Variants in CRBN observed in about 807,000 individuals in gnomAD.
CRBN encodes the protein protein cereblon.
In CRBN, 53 loss-of-function variants were observed where a neutral mutation model predicts 62.2. The ratio of observed to expected loss-of-function variants is 0.85; its 90% CI spans 0.68 to 1.07. The LOEUF (loss-of-function observed/expected upper bound fraction) is 1.07, where lower values mean the gene tolerates loss of function less well. Ranked by LOEUF, CRBN falls within the 50% of genes least tolerant of loss-of-function variation. CRBN has a pLI of 0.00. For missense variants in CRBN, 616 were observed against 531.1 expected, an observed-to-expected ratio of 1.16 and a Z score of -1.57; for synonymous variants, 208 against 176.1, an observed-to-expected ratio of 1.18 and a Z score of -1.43.
At chr3:3,152,377 C>T in intron 10 of CRBN, 79 bp downstream of exon 10, 1 of 1,432,814 alleles carries the variant, frequency 7.0e-7, no homozygotes, top group Non-Finnish European at 9.6e-7. Flanking sequence ...ATTGTGGCAA[C>T]TCTGCTTAGG....
At chr3:3,165,991 A>C (rs555968236) in intron 5 of CRBN, among the ~76,000 whole-genome samples, 5 of 152,208 alleles carry the variant, frequency 3.3e-5, no homozygotes, top group Non-Finnish European at 5.9e-5. Flanking sequence ...CAACAGTAAC[A>C]TTTAAAATGA....
At chr3:3,154,475 G>T in intron 7 of CRBN, 1 of 502,554 alleles carries the variant, frequency 2.0e-6, no homozygotes. Context: ...TACACAGGAA[G>T]TGTTTTTGGA....
chr3:3,162,915 A>T (rs1707195882), intron 5 of CRBN, among the ~76,000 whole-genome samples: 1 of 152,188 alleles, frequency 6.6e-6, no homozygotes, highest in African/African-American at 2.4e-5. Context: ...CTGTCTAAAG[A>T]CAAACACTGT....
chr3:3,161,524 G>T (rs1463438983), intron 5 of CRBN, among the ~76,000 whole-genome samples: 1 of 152,156 alleles, frequency 6.6e-6, no homozygotes, highest in African/African-American at 2.4e-5. Context: ...AAGTAGCTGG[G>T]ATTACAGGCA....
At chr3:3,171,033 G>A (rs1177406557) in intron 4 of CRBN, among the ~76,000 whole-genome samples, 1 of 152,094 alleles carries the variant, frequency 6.6e-6, no homozygotes, top group Non-Finnish European at 1.5e-5. Context: ...TCAAACTCGT[G>A]AGCTCAGGTG....
rs560678913 is a variant in CRBN at position 3,164,286 on chromosome 3, G to A, written c.687+3348C>T. On this transcript the variant is annotated intron_variant, in intron 5 of 10. Coordinates refer to ENST00000231948, the MANE Select transcript of CRBN (RefSeq NM_016302.4). ...TTAGAAACACATGTCAAAGCTGAAA[G>A]AGGCCAAACGCTAGGCCTCCTGGGG... Among the ~76,000 whole-genome samples the A allele has an allele frequency of 2.0e-5, 3 of 152,324 alleles. No individual in the cohort carries two copies. The East Asian group carries it at 5.8e-4, about 29-fold the overall frequency.
intron 5 of CRBN, among the ~76,000 whole-genome samples, chr3:3,160,262 A>C (rs1707082397): frequency 6.6e-6 from 1 of 152,240 alleles, no homozygotes; most frequent in Non-Finnish European, 1.5e-5. Flanking sequence ...TGAAAAGCTA[A>C]ACATAAATAG....
intron 3 of CRBN, among the ~76,000 whole-genome samples, 182 bp from the exon 4 acceptor site, chr3:3,173,107 G>A (rs1448763899): frequency 1.3e-5 from 2 of 152,104 alleles, no homozygotes; most frequent in South Asian, 4.1e-4. Flanking sequence ...GCCCAGACTA[G>A]AGAGCAGTGG....
chr3:3,159,579 T>C (rs966546660), intron 5 of CRBN, among the ~76,000 whole-genome samples: 1 of 152,242 alleles, frequency 6.6e-6, no homozygotes, highest in Non-Finnish European at 1.5e-5. Context: ...GATCAGGCAT[T>C]CACTCTGCCA....
chr3:3,162,047 T>A (rs544251421), intron 5 of CRBN, among the ~76,000 whole-genome samples: 1 of 152,230 alleles, frequency 6.6e-6, no homozygotes, highest in African/African-American at 2.4e-5. Flanking sequence ...ATGAGACCCC[T>A]GCCCTTCCAA....
At chr3:3,157,560 A>G (rs1559245772) in intron 5 of CRBN, among the ~76,000 whole-genome samples, 3 of 152,152 alleles carry the variant, frequency 2.0e-5, no homozygotes, top group Non-Finnish European at 4.4e-5. Context: ...ACGCTGAATG[A>G]TACTTACCCT....
At chr3:3,155,663 T>C (rs138667757) in intron 6 of CRBN, 2 of 154,398 alleles carry the variant, frequency 1.3e-5, no homozygotes, top group African/African-American at 2.4e-5. Flanking sequence ...ATTAATAGAC[T>C]AATGATCAAG....
At chr3:3,167,180 T>C (rs1165815092) in intron 5 of CRBN, among the ~76,000 whole-genome samples, 2 of 152,148 alleles carry the variant, frequency 1.3e-5, no homozygotes, top group East Asian at 1.9e-4. Context: ...ATTTCTGCGA[T>C]GTCAACTGTA....
At chr3:3,162,003 G>A (rs751985544) in intron 5 of CRBN, among the ~76,000 whole-genome samples, 6 of 152,142 alleles carry the variant, frequency 3.9e-5, no homozygotes, top group Admixed American at 1.3e-4. Flanking sequence ...ATAAAATTAG[G>A]AGGAGATTTA....
intron 5 of CRBN, among the ~76,000 whole-genome samples, chr3:3,159,083 A>G (rs552751129): frequency 6.6e-6 from 1 of 152,268 alleles, no homozygotes; most frequent in African/African-American, 2.4e-5. Context: ...CATGATGGTA[A>G]GTTTCCTAAG....
At chr3:3,171,047 G>A (rs1318669069) in intron 4 of CRBN, among the ~76,000 whole-genome samples, 1 of 152,070 alleles carries the variant, frequency 6.6e-6, no homozygotes, top group Non-Finnish European at 1.5e-5. Flanking sequence ...TCAGGTGATC[G>A]TCCTGCCTTG....
At chr3:3,154,417 A>T in intron 7 of CRBN, 1 of 454,754 alleles carries the variant, frequency 2.2e-6, no homozygotes, top group African/African-American at 2.0e-5. Context: ...TCCTGGAACT[A>T]GACTCACTTC....
intron 5 of CRBN, 144 bp from the exon 6 acceptor site, chr3:3,156,425 C>T (rs537019235): frequency 1.0e-5 from 7 of 677,808 alleles, no homozygotes; most frequent in East Asian, 8.2e-5. Flanking sequence ...AATCCCATGA[C>T]GTGACTATCT....
At chr3:3,169,360 T>C (rs1707504125) in intron 4 of CRBN, among the ~76,000 whole-genome samples, 1 of 152,236 alleles carries the variant, frequency 6.6e-6, no homozygotes, top group African/African-American at 2.4e-5. Flanking sequence ...TACAGCAACA[T>C]AATTTATATA....
Sources: allele counts gnomAD v4.1 joint callset (sites outside exome capture counted in the v4.1 genomes callset), GRCh38; gene constraint gnomAD v4.1.1; transcripts MANE v1.5; gene names NCBI Gene and HGNC (gene_info 2026-07-23, HGNC 2026-07-21).